PCGF3: variants seen among roughly 807,000 people sequenced by gnomAD.
The protein encoded by PCGF3 is polycomb group ring finger 3, also known as polycomb group RING finger protein 3.
Under a neutral mutation model 33.1 loss-of-function variants are expected in PCGF3, and 7 were observed. That is an observed-to-expected ratio of 0.21 (90% CI 0.12 to 0.40). The LOEUF is 0.40. Ranked by LOEUF, PCGF3 falls within the 10% of genes least tolerant of loss-of-function variation. The probability of loss-of-function intolerance (pLI) is 1.00; values close to 1 mark genes in which losing one functional copy is unlikely to be tolerated. For synonymous variants in PCGF3, 153 were observed against 121.3 expected, an observed-to-expected ratio of 1.26 and a Z score of -1.72; for missense variants, 211 against 313.3, an observed-to-expected ratio of 0.67 and a Z score of 2.46.
chr4:742,043 GCATTTCCCTTGT>G (rs1744115250), intron 6 of PCGF3, among the ~76,000 whole-genome samples: 1 of 152,006 alleles, frequency 6.6e-6, no homozygotes, highest in African/African-American at 2.4e-5. Context: ...TAATCTTTCA[GCATTTCCCTTGT>G]GAGGCTCCAG....
chr4:743,695 C>T (rs910913154), intron 7 of PCGF3, 111 bp downstream of exon 7: 12 of 661,260 alleles, frequency 1.8e-5, no homozygotes, highest in South Asian at 1.2e-4. Flanking sequence ...CACGGGAGAA[C>T]GTGGGGGAAC....
At chr4:729,672 A>C (rs1244218357) in intron 1 of PCGF3, among the ~76,000 whole-genome samples, 3 of 152,138 alleles carry the variant, frequency 2.0e-5, no homozygotes, top group Non-Finnish European at 4.4e-5. Context: ...TGGGAAGACT[A>C]ACTCTACTCT....
chr4:731,043 G>A lies in PCGF3; in HGVS notation c.-77G>A, dbSNP rs1743531825. The A allele has an allele frequency of 5.0e-6, 2 of 398,616 alleles. No homozygotes were observed. The highest frequency in any genetic ancestry group is 8.9e-6 in the Non-Finnish European group (2 of 225,972). The allele number at this position is 398,616 out of a possible 1,614,324, so 24.7% of individuals were successfully genotyped here. A position where few individuals can be genotyped will look rare whatever the true frequency, so the allele number is the denominator to read the frequency against. ...GCGTGCGGAGCCAGGAGGCAGCGTC[G>A]CGTGGGAGTGCTGGCCTGAAGCCTC... On this transcript the variant is annotated 5_prime_UTR_variant, in exon 3 of 11. Coordinates refer to ENST00000362003, the Ensembl canonical transcript of PCGF3.
Position 743,425 on chromosome 4 carries a change from T to C in PCGF3, c.263-49T>C, listed in dbSNP as rs771196529. The C allele has an allele frequency of 2.4e-5, 26 of 1,096,108 alleles. No individual in the cohort carries two copies. In the East Asian group the frequency reaches 6.1e-4, roughly 26 times the overall value. 67.9% of individuals were successfully genotyped at this position (1,096,108 alleles called of 1,614,324 possible). On this transcript the variant is annotated intron_variant, in intron 6 of 10. Transcript: ENST00000362003. ...GTGATGTTTATGAACAGAAGTTTAA[T>C]AGAATCCACTGCCTGTGAGATGAAA...
chr4:734,164 TGCGTCCTCACACCTGATGA>T, intron 4 of PCGF3: 1 of 1,505,908 alleles, frequency 6.6e-7, no homozygotes, highest in Non-Finnish European at 9.0e-7. Context: ...ACACCTGATG[TGCGTCCTCACACCTGATGA>T]GTCTGTGCTT....
chr4:723,429 A>G (rs1743199133), intron 1 of PCGF3, among the ~76,000 whole-genome samples: 1 of 152,064 alleles, frequency 6.6e-6, no homozygotes, highest in African/African-American at 2.4e-5. Context: ...AAGGTGGGTG[A>G]CCAGAGTGGG....
intron 9 of PCGF3, among the ~76,000 whole-genome samples, chr4:763,679 C>CT (rs1432543376): frequency 1.3e-5 from 2 of 152,200 alleles, no homozygotes; most frequent in Non-Finnish European, 2.9e-5. Context: ...GAAACACACT[C>CT]TCGGCAAACC....
chr4:709,055 G>A (rs529246128), intron 1 of PCGF3, among the ~76,000 whole-genome samples: 5 of 152,278 alleles, frequency 3.3e-5, no homozygotes, highest in African/African-American at 9.6e-5. Context: ...ATTCAGAAGC[G>A]AGCGGTCTAT....
At chr4:755,267 C>T (rs929098094) in intron 8 of PCGF3, among the ~76,000 whole-genome samples, 9 of 152,232 alleles carry the variant, frequency 5.9e-5, no homozygotes, top group South Asian at 2.1e-4. Context: ...TTGCACTTGT[C>T]CCCCTGGGCA....
intron 2 of PCGF3, 103 bp from the exon 3 acceptor site, chr4:730,867 T>G: frequency 5.0e-6 from 2 of 396,650 alleles, no homozygotes. Context: ...TTCCGCCCTT[T>G]GCTCGGTAGG....
chr4:713,149 T>G (rs1435396370), intron 1 of PCGF3, among the ~76,000 whole-genome samples: 1 of 136,736 alleles, frequency 7.3e-6, no homozygotes, highest in African/African-American at 2.8e-5. Context: ...GAGCTGTGGC[T>G]TTGTGAGTCC....
intron 1 of PCGF3, among the ~76,000 whole-genome samples, chr4:728,751 C>G (rs1743431211): frequency 6.6e-6 from 1 of 152,168 alleles, no homozygotes; most frequent in Non-Finnish European, 1.5e-5. Context: ...CCAGCTGTAC[C>G]AGCCAACACA....
Position 727,547 on chromosome 4 carries a change from G to GT in PCGF3, c.-189-3075dup, listed in dbSNP as rs969710597. Among the ~76,000 whole-genome samples the GT allele has an allele frequency of 3.3e-5, 5 of 151,710 alleles. No individual in the cohort carries two copies. The South Asian group carries it at 8.3e-4, about 25-fold the overall frequency. On this transcript the variant is annotated intron_variant, in intron 1 of 10. Coordinates refer to ENST00000362003, the Ensembl canonical transcript of PCGF3. ...GAGCCACTATGCTTGGCTGAGTTTTGTTTTTTTTAAATCATGAATGGACAA... is the reference window on the plus strand; with the variant it reads ...GAGCCACTATGCTTGGCTGAGTTTTGTTTTTTTTTAAATCATGAATGGACAA...
rs1351912656 is a variant in PCGF3 at position 720,044 on chromosome 4, T to C, written c.-189-10586T>C. ...CAGTTTGGTCATTTTTGTGTGAAAA[T>C]AAATGAAAACAGGTTTTGCAGAGCC... is the stretch of plus-strand genomic sequence containing the variant. On this transcript the variant is annotated intron_variant, in intron 1 of 10. Coordinates refer to ENST00000362003, the Ensembl canonical transcript of PCGF3. This position sits in a 1 kb window ranked among gnomAD's most constrained non-coding sequence, Gnocchi z 5.6. Among the ~76,000 whole-genome samples the C allele has an allele frequency of 1.3e-5, 2 of 152,058 alleles. No homozygotes were observed. Among genetic ancestry groups the C allele is most frequent in the Admixed American group, 1.3e-4 (2 of 15,270 alleles).
chr4:733,872 A>G, intron 4 of PCGF3, 83 bp downstream of exon 4: 1 of 1,607,838 alleles, frequency 6.2e-7, no homozygotes, highest in East Asian at 2.2e-5. Flanking sequence ...TTGTGTTACC[A>G]CACGCTTTTA....
intron 1 of PCGF3, among the ~76,000 whole-genome samples, chr4:708,502 C>A (rs1223714500): frequency 1.3e-5 from 2 of 152,184 alleles, no homozygotes; most frequent in Non-Finnish European, 2.9e-5. Flanking sequence ...TGGGCCAGCC[C>A]CACAGCCCCT....
chr4:713,105 C>T (rs1195699006), intron 1 of PCGF3, among the ~76,000 whole-genome samples: 1 of 149,296 alleles, frequency 6.7e-6, no homozygotes, highest in Non-Finnish European at 1.5e-5. Flanking sequence ...CTTCGTGGGT[C>T]CTGTGTGGTC....
At chr4:766,150 C>G (rs1255977851) in exon 11 of PCGF3, 1 of 1,288,290 alleles carries the variant, frequency 7.8e-7, no homozygotes, top group South Asian at 1.2e-5. Context: ...CGCTTAAGAA[C>G]ATTGCCTCTG....
intron 1 of PCGF3, among the ~76,000 whole-genome samples, chr4:712,923 C>T: frequency 6.6e-6 from 1 of 152,254 alleles, no homozygotes; most frequent in East Asian, 1.9e-4. Flanking sequence ...CCTTGAAACT[C>T]CCTCTAATCA....
Sources: allele counts gnomAD v4.1 joint callset (sites outside exome capture counted in the v4.1 genomes callset), GRCh38; gene constraint gnomAD v4.1.1; non-coding constraint Gnocchi (gnomAD v3.1); transcripts MANE v1.5; gene names NCBI Gene and HGNC (gene_info 2026-07-23, HGNC 2026-07-21).